The following PCSK5 variants were observed in gnomAD, a reference collection of about 807,000 sequenced individuals.
PCSK5 encodes the protein proprotein convertase subtilisin/kexin type 5, also known as prohormone convertase 5.
A neutral mutation model predicts 233.2 loss-of-function variants in PCSK5; 129 were observed. That is an observed-to-expected ratio of 0.55 (90% CI 0.48 to 0.64). The LOEUF (loss-of-function observed/expected upper bound fraction) is 0.64. PCSK5 is among the 30% of genes least tolerant of loss of function. The pLI is 0.00. For missense variants in PCSK5, 2,076 were observed against 2,430.1 expected (o/e 0.85, Z 3.06); for synonymous variants, 825 against 879.2 (o/e 0.94, Z 1.09).
intron 6 of PCSK5, 95 bp from the exon 7 acceptor site, chr9:76,071,631 A>C: frequency 9.6e-7 from 1 of 1,045,918 alleles, no homozygotes; most frequent in Non-Finnish European, 1.4e-6. Flanking sequence ...GTTGATTAAA[A>C]ATGTATTCTT....
intron 24 of PCSK5, among the ~76,000 whole-genome samples, chr9:76,244,571 T>G (rs910001311): frequency 6.6e-6 from 1 of 151,674 alleles, no homozygotes; most frequent in Non-Finnish European, 1.5e-5. Flanking sequence ...GGGTTTTTTT[T>G]TTTTTTTTTT....
At chr9:76,129,933 G>C (rs1457597491) in intron 9 of PCSK5, among the ~76,000 whole-genome samples, 1 of 152,084 alleles carries the variant, frequency 6.6e-6, no homozygotes, top group Non-Finnish European at 1.5e-5. Flanking sequence ...TAGAAAACTA[G>C]AAGTGTTTAA....
intron 24 of PCSK5, among the ~76,000 whole-genome samples, chr9:76,274,169 T>C (rs929241963): frequency 5.9e-5 from 9 of 152,046 alleles, no homozygotes; most frequent in Admixed American, 5.9e-4. Context: ...TTTCTTTATA[T>C]CTATCTTTGA....
intron 24 of PCSK5, among the ~76,000 whole-genome samples, chr9:76,278,152 G>T (rs1455906224): frequency 6.6e-6 from 1 of 152,156 alleles, no homozygotes; most frequent in African/African-American, 2.4e-5. Context: ...GTTTAAGAAT[G>T]CTTGGCCCCA....
At chr9:76,181,681 C>T (rs1823880042) in intron 16 of PCSK5, 90 bp downstream of exon 16, 4 of 820,190 alleles carry the variant, frequency 4.9e-6, no homozygotes, top group Non-Finnish European at 7.8e-6. Flanking sequence ...TTTGTGAAAT[C>T]TGGAATTGTG....
intron 8 of PCSK5, among the ~76,000 whole-genome samples, chr9:76,098,080 A>G (rs1208047298): frequency 6.6e-6 from 1 of 152,086 alleles, no homozygotes; most frequent in Non-Finnish European, 1.5e-5. Context: ...ATCCACATCC[A>G]TTCTATTCCT....
At chr9:76,348,309 G>T (rs1245716938) in intron 35 of PCSK5, among the ~76,000 whole-genome samples, 1 of 152,210 alleles carries the variant, frequency 6.6e-6, no homozygotes, top group Non-Finnish European at 1.5e-5. Context: ...TACTCAGGAG[G>T]CTGAGGTAGG....
At chr9:76,147,662 C>T (rs538373475) in intron 10 of PCSK5, among the ~76,000 whole-genome samples, 8 of 152,264 alleles carry the variant, frequency 5.3e-5, no homozygotes, top group South Asian at 2.1e-4. Flanking sequence ...TGTCCCAAGT[C>T]GCCCCCCATA....
At chr9:76,189,305 TAGAATTTGTAA>T (rs1468843310) in intron 19 of PCSK5, 82 bp downstream of exon 19, 1 of 1,037,576 alleles carries the variant, frequency 9.6e-7, no homozygotes, top group African/African-American at 1.6e-5. Flanking sequence ...TAAGAAAACT[TAGAATTTGTAA>T]TGATAACACT....
chr9:75,990,840 G>A (rs1395121067), intron 3 of PCSK5, among the ~76,000 whole-genome samples: 1 of 152,148 alleles, frequency 6.6e-6, no homozygotes, highest in Non-Finnish European at 1.5e-5. Context: ...CCAAGCTTGG[G>A]CCTTCCTTTA....
chr9:76,201,419 T>G (rs1484623939), intron 20 of PCSK5, among the ~76,000 whole-genome samples: 1 of 152,182 alleles, frequency 6.6e-6, no homozygotes, highest in Non-Finnish European at 1.5e-5. Context: ...ATGAGGTAAA[T>G]GCCTAAGGTA....
chr9:75,891,822 C>G (rs1489116338), intron 1 of PCSK5, among the ~76,000 whole-genome samples: 1 of 152,044 alleles, frequency 6.6e-6, no homozygotes, highest in East Asian at 1.9e-4. Context: ...AAAGCCTTTC[C>G]TGCTCGGACC....
At chr9:76,070,906 A>T (rs1016998474) in intron 6 of PCSK5, among the ~76,000 whole-genome samples, 15 of 152,168 alleles carry the variant, frequency 9.9e-5, no homozygotes, top group Admixed American at 4.6e-4. Context: ...ACAGTGTTTC[A>T]GTGATGGTGT....
rs112856877 is a variant in PCSK5 at position 76,248,575 on chromosome 9, C to T, written c.3142+7891C>T. 2.9e-3 allele frequency among the ~76,000 whole-genome samples: 438 copies of T among 152,222 alleles called. 4 individuals carry two copies. The highest frequency in any genetic ancestry group is 9.9e-3 in the African/African-American group (412 of 41,538). Reference sequence around the variant, plus strand: ...TCATCAAATCATAAGTAGATATAAACACACTGGGTGGAAAGTTGCTATGGA... The same window carrying T: ...TCATCAAATCATAAGTAGATATAAATACACTGGGTGGAAAGTTGCTATGGA... On this transcript the variant is annotated intron_variant, in intron 24 of 37. Transcript: ENST00000674117.
At chr9:76,243,661 A>G (rs1303029235) in intron 24 of PCSK5, among the ~76,000 whole-genome samples, 3 of 152,130 alleles carry the variant, frequency 2.0e-5, no homozygotes, top group Non-Finnish European at 2.9e-5. Context: ...GACTAGTGTA[A>G]TATTTGCTAT....
intron 1 of PCSK5, among the ~76,000 whole-genome samples, chr9:75,900,288 G>C (rs1363344945): frequency 1.3e-5 from 2 of 152,198 alleles, no homozygotes; most frequent in Non-Finnish European, 2.9e-5. Flanking sequence ...TAACAAGAGT[G>C]ATCCCCGCAT....
intron 5 of PCSK5, among the ~76,000 whole-genome samples, chr9:76,042,856 A>G (rs114405856): frequency 0.014 from 2,164 of 152,328 alleles, 56 homozygotes; most frequent in African/African-American, 0.049. Context: ...ATGAACGTGC[A>G]TCGCAACAGC....
At chr9:76,282,557 ATCCT>A (rs1472702395) in intron 24 of PCSK5, among the ~76,000 whole-genome samples, 3 of 151,974 alleles carry the variant, frequency 2.0e-5, no homozygotes, top group Non-Finnish European at 4.4e-5. Flanking sequence ...GGCTCAAGTG[ATCCT>A]TCCATCTCAG....
chr9:75,905,608 A>G (rs1826229507), intron 1 of PCSK5, among the ~76,000 whole-genome samples: 1 of 152,086 alleles, frequency 6.6e-6, no homozygotes, highest in Admixed American at 6.5e-5. Context: ...GGGATCCCTA[A>G]CCCCCAGGCC....
Sources: allele counts gnomAD v4.1 joint callset (sites outside exome capture counted in the v4.1 genomes callset), GRCh38; gene constraint gnomAD v4.1.1; transcripts MANE v1.5; gene names NCBI Gene and HGNC (gene_info 2026-07-23, HGNC 2026-07-21).